The following CNR2 variants were observed in gnomAD, a reference collection of about 807,000 sequenced individuals.
CNR2 encodes cannabinoid receptor 2, also known as cannabinoid receptor 2 (macrophage).
For missense variants in CNR2, 379 were observed against 439.9 expected, an observed-to-expected ratio of 0.86 and a Z score of 1.24; for synonymous variants, 172 against 182.2, an observed-to-expected ratio of 0.94 and a Z score of 0.45.
intron 1 of CNR2, among the ~76,000 whole-genome samples, chr1:23,878,065 T>C (rs1639919453): frequency 6.6e-6 from 1 of 151,854 alleles, no homozygotes; most frequent in Admixed American, 6.6e-5. Flanking sequence ...TTATGAAGGA[T>C]TGAGTAAAAA....
At chr1:23,905,505 TATTTATATATTA>T (rs1249755588) in intron 1 of CNR2, among the ~76,000 whole-genome samples, 1 of 150,016 alleles carries the variant, frequency 6.7e-6, no homozygotes, top group Non-Finnish European at 1.5e-5. Flanking sequence ...ATATTATATA[TATTTATATATTA>T]ATTTATATAT....
Position 23,875,571 on chromosome 1 carries a change from C to T in CNR2, c.47G>A (p.Gly16Asp). ...VTEIANGSKD[G>D]LDSNPMKDYM... ...ATCCTTCATAGGGTTGGAATCCAAG[C>T]CATCCTTGGAGCCATTGGCTATCTC... The change falls in exon 2 of 2, where the codon GGC (glycine) becomes GAC (aspartate). Residue 16 changes from glycine (G) to aspartate (D), a missense_variant. Gly to Asp is a moderately conservative substitution (Grantham distance 94). Transcript: ENST00000374472. The T allele has an allele frequency of 6.2e-7, 1 of 1,612,788 alleles. No individual in the cohort carries two copies. The highest frequency in any genetic ancestry group is 1.1e-5 in the South Asian group (1 of 90,994).
At chr1:23,883,186 C>G (rs773139149) in intron 1 of CNR2, among the ~76,000 whole-genome samples, 3 of 152,140 alleles carry the variant, frequency 2.0e-5, no homozygotes, top group Non-Finnish European at 4.4e-5. Context: ...CCCATCAGAT[C>G]GGTAAAAAAG....
chr1:23,910,908 ACT>A lies in CNR2; in HGVS notation c.-46+2336_-46+2337del, dbSNP rs1047114483. On this transcript the variant is annotated intron_variant, in intron 1 of 1. Transcript: ENST00000374472. ...ACAAGCTCTGAACCCACAGCGCAGG[ACT>A]CTCTGCTCACACTGGCTCCGCTATT... is the stretch of plus-strand genomic sequence containing the variant. Among the ~76,000 whole-genome samples the A allele has an allele frequency of 1.5e-4, 22 of 151,664 alleles. No individual in the cohort carries two copies. The East Asian group carries it at 2.1e-3, about 15-fold the overall frequency.
chr1:23,899,922 AG>A (rs1557532629), intron 1 of CNR2, among the ~76,000 whole-genome samples: 23 of 816 alleles, frequency 0.028, no homozygotes, highest in Admixed American at 0.034. Flanking sequence ...AGAAAGAAAG[AG>A]AAAGAAAGAG....
chr1:23,902,898 C>T lies in CNR2; in HGVS notation c.-46+10348G>A, dbSNP rs140709798. Among the ~76,000 whole-genome samples, 1,166 of 151,160 alleles carry T rather than the reference C, an allele frequency of 7.7e-3. 14 individuals carry two copies. Among genetic ancestry groups the T allele is most frequent in the African/African-American group, 0.026 (1,068 of 41,440 alleles). On this transcript the variant is annotated intron_variant, in intron 1 of 1. Coordinates refer to ENST00000374472, the MANE Select transcript of CNR2 (RefSeq NM_001841.3). ...ACCGCGGCCGCGGCGCTGGCGGGGA[C>T]GTAGAGCTCCGCCGCCATCCTCGAG... is the stretch of plus-strand genomic sequence containing the variant.
intron 1 of CNR2, among the ~76,000 whole-genome samples, chr1:23,898,009 TA>T (rs1258912298): frequency 3.3e-5 from 5 of 151,986 alleles, no homozygotes; most frequent in Admixed American, 2.6e-4. Context: ...ATCCATACTA[TA>T]TATTTATTTT....
At chr1:23,903,028 G>A (rs1294581368) in intron 1 of CNR2, among the ~76,000 whole-genome samples, 1 of 151,714 alleles carries the variant, frequency 6.6e-6, no homozygotes, top group Non-Finnish European at 1.5e-5. Flanking sequence ...CAGGGAGGTC[G>A]GGCGCTGAGC....
chr1:23,886,754 T>C (rs1640098025), intron 1 of CNR2, among the ~76,000 whole-genome samples: 2 of 152,228 alleles, frequency 1.3e-5, no homozygotes, highest in Non-Finnish European at 2.9e-5. Flanking sequence ...GGGATATAAT[T>C]TGCCTAAGGT....
At chr1:23,902,617 C>T in intron 1 of CNR2, 1 of 1,600,296 alleles carries the variant, frequency 6.2e-7, no homozygotes, top group Non-Finnish European at 8.5e-7. Context: ...GAGCTGCAGA[C>T]AGCCAGGACG....
At chr1:23,902,755 G>A in intron 1 of CNR2, 1 of 1,518,320 alleles carries the variant, frequency 6.6e-7, no homozygotes. Context: ...GCCATTTGGG[G>A]CTCTCCGGGT....
chr1:23,907,326 G>C (rs1640510988), intron 1 of CNR2: 1 of 150,914 alleles, frequency 6.6e-6, no homozygotes, highest in Non-Finnish European at 1.5e-5. Context: ...AACCTGGGAG[G>C]TGGAGGTTGG....
intron 1 of CNR2, among the ~76,000 whole-genome samples, chr1:23,908,041 C>T (rs1290461020): frequency 8.8e-6 from 1 of 113,970 alleles, no homozygotes. Context: ...GCTGCAGTGG[C>T]GTGATCTTGG....
chr1:23,875,396 G>A lies in CNR2; in HGVS notation c.222C>T (p.Gly74=), dbSNP rs200959861. The A allele has an allele frequency of 1.9e-6, 3 of 1,614,120 alleles. No individual in the cohort carries two copies. Among genetic ancestry groups the A allele is most frequent in the Non-Finnish European group, 2.5e-6 (3 of 1,180,058 alleles). The change falls in exon 2 of 2, where the codon GGC becomes GGT. Residue 74 remains glycine (G), a synonymous_variant. Coordinates refer to ENST00000374472, the MANE Select transcript of CNR2 (RefSeq NM_001841.3). ...LRRKPSYLFI[G]SLAGADFLAS... ...CCAGGAAGTCAGCCCCAGCCAAGCT[G>A]CCAATGAACAGGTATGAGGGCTTCC...
At chr1:23,878,950 CAG>C (rs1639933340) in intron 1 of CNR2, among the ~76,000 whole-genome samples, 1 of 152,134 alleles carries the variant, frequency 6.6e-6, no homozygotes, top group African/African-American at 2.4e-5. Flanking sequence ...TGTTCACTAA[CAG>C]ACTTTCACTG....
chr1:23,870,860 G>C lies in CNR2; in HGVS notation c.*3675C>G. On this transcript the variant is annotated 3_prime_UTR_variant, in exon 2 of 2. Coordinates refer to ENST00000374472, the MANE Select transcript of CNR2 (RefSeq NM_001841.3). ...CATAAGCTCTGCTTCTCCACTTAAAGCAGACATAGGGGCTGGGAGTGGTGG... is the reference window on the plus strand; with the variant it reads ...CATAAGCTCTGCTTCTCCACTTAAACCAGACATAGGGGCTGGGAGTGGTGG... 6.6e-6 allele frequency: 1 copy of C among 152,116 alleles called. No individual in the cohort carries two copies. The highest frequency in any genetic ancestry group is 2.1e-4 in the South Asian group (1 of 4,826). 9.4% of individuals were successfully genotyped at this position (152,116 alleles called of 1,614,324 possible). A position where few individuals can be genotyped will look rare whatever the true frequency, so the allele number is the denominator to read the frequency against.
intron 1 of CNR2, among the ~76,000 whole-genome samples, chr1:23,895,666 T>G (rs186280454): frequency 9.3e-4 from 141 of 152,120 alleles, no homozygotes; most frequent in African/African-American, 3.3e-3. Flanking sequence ...GCCACCACAC[T>G]CAACTAATTT....
chr1:23,902,735 G>T (rs1570720819), intron 1 of CNR2: 3 of 1,555,068 alleles, frequency 1.9e-6, no homozygotes, highest in East Asian at 2.3e-5. Context: ...CGCGCAGCGT[G>T]GGGGACCGCG....
intron 1 of CNR2, among the ~76,000 whole-genome samples, chr1:23,912,793 G>A (rs983243623): frequency 1.2e-4 from 18 of 152,314 alleles, no homozygotes; most frequent in African/African-American, 4.3e-4. Context: ...AACCCCAGGT[G>A]TCCTGAAATG....
Sources: gnomAD v4.1 joint callset for allele counts (sites outside exome capture counted in the v4.1 genomes callset) on GRCh38, gnomAD v4.1.1 for gene constraint, MANE v1.5 for transcripts, NCBI Gene and HGNC (gene_info 2026-07-23, HGNC 2026-07-21) for gene names.